The following NINL variants were observed in gnomAD, a reference collection of about 807,000 sequenced individuals.
The protein encoded by NINL is ninein like.
Under a neutral mutation model 160.3 loss-of-function variants are expected in NINL, and 153 were observed. That is an observed-to-expected ratio of 0.95 (90% CI 0.84 to 1.09). NINL has a LOEUF of 1.09. NINL is among the 50% of genes least tolerant of loss of function. The pLI is 0.00. For synonymous variants in NINL, 800 were observed against 734.8 expected (o/e 1.09, Z -1.43); for missense variants, 1,829 against 1,764.0 (o/e 1.04, Z -0.66).
At chr20:25,576,333 C>A (rs1041456886) in intron 1 of NINL, among the ~76,000 whole-genome samples, 8 of 152,190 alleles carry the variant, frequency 5.3e-5, no homozygotes, top group Admixed American at 2.6e-4. Context: ...GTCCTTGGCA[C>A]ATCTCATGGG....
chr20:25,572,614 G>C (rs2065066783), intron 1 of NINL, among the ~76,000 whole-genome samples: 1 of 152,176 alleles, frequency 6.6e-6, no homozygotes, highest in African/African-American at 2.4e-5. Context: ...TGAACTCACA[G>C]TGAGTGATAA....
At chr20:25,523,235 AAT>A (rs896275237) in intron 2 of NINL, among the ~76,000 whole-genome samples, 1 of 151,518 alleles carries the variant, frequency 6.6e-6, no homozygotes, top group African/African-American at 2.4e-5. Flanking sequence ...TATATGAGAG[AAT>A]ATATATATAT....
chr20:25,476,481 C>T lies in NINL; in HGVS notation c.2810G>A (p.Gly937Glu). ...TCCCAGCAGAGGCAGCTCCCGGGCT[C>T]CAGGCTGCTCCAGCCCCGCTGCGCT... is the stretch of plus-strand genomic sequence containing the variant. ...GASAAGLEQP[G>E]ARELPLLGTE... Residue 937 changes from glycine to glutamate, a missense_variant, in exon 17 of 24, where the codon GGA (glycine) becomes GAA (glutamate). Coordinates refer to ENST00000278886, the MANE Select transcript of NINL (RefSeq NM_025176.6). 1 of 1,605,720 alleles carries T rather than the reference C, an allele frequency of 6.2e-7. No individual in the cohort carries two copies. Among genetic ancestry groups the T allele is most frequent in the Non-Finnish European group, 8.5e-7 (1 of 1,179,860 alleles).
At chr20:25,480,763 T>C (rs2063370785) in intron 14 of NINL, among the ~76,000 whole-genome samples, 1 of 152,240 alleles carries the variant, frequency 6.6e-6, no homozygotes, top group Non-Finnish European at 1.5e-5. Context: ...GAGGCAGTTC[T>C]GGCACACTAA....
intron 2 of NINL, among the ~76,000 whole-genome samples, chr20:25,525,214 A>AG (rs1453541772): frequency 1.3e-5 from 2 of 152,350 alleles, no homozygotes; most frequent in East Asian, 3.9e-4. Context: ...AGGGCAGGTG[A>AG]GGCTTCTTTG....
intron 13 of NINL, among the ~76,000 whole-genome samples, chr20:25,486,846 G>A (rs2063513731): frequency 6.6e-6 from 1 of 152,158 alleles, no homozygotes; most frequent in Non-Finnish European, 1.5e-5. Flanking sequence ...CCTTAAAATC[G>A]AACAACAATG....
chr20:25,496,593 G>T, intron 10 of NINL, 70 bp downstream of exon 10: 1 of 1,577,772 alleles, frequency 6.3e-7, no homozygotes, highest in Non-Finnish European at 8.6e-7. Flanking sequence ...GCAGCCCTGT[G>T]TCCACTACCT....
chr20:25,461,931 T>A (rs1465463214), intron 20 of NINL, among the ~76,000 whole-genome samples: 1 of 152,146 alleles, frequency 6.6e-6, no homozygotes, highest in Non-Finnish European at 1.5e-5. Flanking sequence ...AAAACATGGT[T>A]TTCAGTGGCT....
At chr20:25,567,269 G>A (rs2065007813) in intron 1 of NINL, among the ~76,000 whole-genome samples, 2 of 152,164 alleles carry the variant, frequency 1.3e-5, no homozygotes, top group South Asian at 4.1e-4. Context: ...AGGAAGAACA[G>A]AATCTTCAAC....
At chr20:25,514,372 G>A (rs1216520598) in intron 3 of NINL, among the ~76,000 whole-genome samples, 1 of 152,220 alleles carries the variant, frequency 6.6e-6, no homozygotes, top group Non-Finnish European at 1.5e-5. Context: ...CATTCAAGAT[G>A]TGCCCTGGCT....
chr20:25,454,800 C>T (rs1218606564), intron 23 of NINL, among the ~76,000 whole-genome samples: 2 of 152,128 alleles, frequency 1.3e-5, no homozygotes, highest in East Asian at 1.9e-4. Flanking sequence ...AGTTGGACTT[C>T]GAACATCTAC....
intron 1 of NINL, among the ~76,000 whole-genome samples, chr20:25,547,492 A>C (rs771830370): frequency 1.1e-4 from 16 of 152,138 alleles, no homozygotes; most frequent in Non-Finnish European, 1.9e-4. Context: ...CTGCCTTCTG[A>C]ACTGGGGGAA....
chr20:25,549,343 G>C (rs2064779331), intron 1 of NINL, among the ~76,000 whole-genome samples: 1 of 149,124 alleles, frequency 6.7e-6, no homozygotes, highest in Non-Finnish European at 1.5e-5. Flanking sequence ...CCCATACCCA[G>C]CTTCATCCAG....
At chr20:25,553,480 T>C (rs914381016) in intron 1 of NINL, among the ~76,000 whole-genome samples, 2 of 152,178 alleles carry the variant, frequency 1.3e-5, no homozygotes, top group African/African-American at 4.8e-5. Context: ...TGATTTTCTT[T>C]AACATTAAAA....
intron 1 of NINL, among the ~76,000 whole-genome samples, chr20:25,531,319 T>C (rs76320911): frequency 1.3e-5 from 2 of 152,196 alleles, no homozygotes; most frequent in Non-Finnish European, 2.9e-5. Context: ...GTGCAGTTAA[T>C]GCAATCATCA....
chr20:25,458,460 G>A lies in NINL; in HGVS notation c.3766C>T (p.Gln1256Ter), dbSNP rs768314857. ...QHLQEVRLVP[Q>*]DRVAELHRLL... ...CGATGCAGCTCGGCCACACGGTCCT[G>A]GGGCACCAGCCGGACCTCCTGCAAG... Residue 1256 changes from glutamine to a stop codon, truncating the protein, a stop_gained, in exon 22 of 24, where the codon CAG becomes TAG. Coordinates refer to ENST00000278886, the MANE Select transcript of NINL (RefSeq NM_025176.6). LOFTEE classifies it high-confidence loss of function. 1.2e-5 allele frequency: 19 copies of A among 1,604,626 alleles called. No homozygotes were observed. In the South Asian group the frequency reaches 2.0e-4, roughly 17 times the overall value.
At chr20:25,580,840 T>C (rs2147208299) in intron 1 of NINL, among the ~76,000 whole-genome samples, 1 of 152,320 alleles carries the variant, frequency 6.6e-6, no homozygotes, top group African/African-American at 2.4e-5. Context: ...AGTAACCAAA[T>C]GTCTTGGCCT....
intron 1 of NINL, among the ~76,000 whole-genome samples, chr20:25,529,743 G>A (rs1239353285): frequency 6.6e-6 from 1 of 152,180 alleles, no homozygotes; most frequent in Non-Finnish European, 1.5e-5. Context: ...GGGAGACTTA[G>A]GTAGGAGGAT....
chr20:25,500,767 C>T, intron 8 of NINL, 73 bp downstream of exon 8: 1 of 1,533,072 alleles, frequency 6.5e-7, no homozygotes, highest in Non-Finnish European at 8.9e-7. Flanking sequence ...TTGGGACGCT[C>T]CATCCATCCT....
Sources: allele counts gnomAD v4.1 joint callset (sites outside exome capture counted in the v4.1 genomes callset), GRCh38; gene constraint gnomAD v4.1.1; transcripts MANE v1.5; gene names NCBI Gene and HGNC (gene_info 2026-07-23, HGNC 2026-07-21).